WDFY3: variants seen among roughly 807,000 people sequenced by gnomAD.
WDFY3 encodes the protein WD repeat and FYVE domain-containing protein 3.
Under a neutral mutation model 409.6 loss-of-function variants are expected in WDFY3, and 66 were observed. The ratio of observed to expected loss-of-function variants is 0.16; its 90% CI spans 0.13 to 0.20. The LOEUF (loss-of-function observed/expected upper bound fraction) is 0.20. WDFY3 is among the 10% of genes least tolerant of loss of function. WDFY3 has a pLI of 1.00. For missense variants in WDFY3, 3,031 were observed against 4,298.1 expected, an observed-to-expected ratio of 0.71 and a Z score of 8.24; for synonymous variants, 1,521 against 1,537.1, an observed-to-expected ratio of 0.99 and a Z score of 0.25.
chr4:84,832,487 A>C (rs1255592549), intron 7 of WDFY3, among the ~76,000 whole-genome samples: 2 of 152,168 alleles, frequency 1.3e-5, no homozygotes, highest in East Asian at 3.8e-4. Flanking sequence ...ATGAATTTTA[A>C]ATGTTCCCAA....
chr4:84,690,463 G>T, intron 61 of WDFY3, 43 bp downstream of exon 61: 2 of 1,613,812 alleles, frequency 1.2e-6, no homozygotes, highest in Non-Finnish European at 1.7e-6. Flanking sequence ...AGGCACAGGA[G>T]ATGGACTATG....
At chr4:84,723,840 G>C (rs1735232341) in intron 46 of WDFY3, among the ~76,000 whole-genome samples, 1 of 152,158 alleles carries the variant, frequency 6.6e-6, no homozygotes, top group Non-Finnish European at 1.5e-5. Flanking sequence ...AGAAGCTGTA[G>C]AAAAGAAGAA....
At chr4:84,771,505 C>G (rs1265838033) in intron 30 of WDFY3, among the ~76,000 whole-genome samples, 2 of 152,138 alleles carry the variant, frequency 1.3e-5, no homozygotes, top group Non-Finnish European at 2.9e-5. Flanking sequence ...CTTTCACTAC[C>G]TAATTATAAT....
intron 37 of WDFY3, 46 bp downstream of exon 37, chr4:84,743,654 G>A: frequency 1.4e-6 from 2 of 1,439,710 alleles, no homozygotes; most frequent in Middle Eastern, 1.8e-4. Context: ...GGCTTAGAGA[G>A]GAAAGTGATT....
Position 84,704,431 on chromosome 4 carries a change from T to C in WDFY3, c.8349A>G (p.Ala2783=). The change falls in exon 55 of 68, where the codon GCA becomes GCG. Residue 2783 remains alanine, a synonymous_variant. Coordinates refer to ENST00000295888, the MANE Select transcript of WDFY3 (RefSeq NM_014991.6). The part of the protein sequence containing the change: ...DWEDPNGETP[A]YHYGTHYSSA... ...ATGAATAGTGGGTCCCATAGTGGTA[T>C]GCAGGAGTTTCTCCTGTTTAAGAAA... 1 of 1,606,504 alleles carries C rather than the reference T, an allele frequency of 6.2e-7. No homozygotes were observed. Among genetic ancestry groups the C allele is most frequent in the South Asian group, 1.1e-5 (1 of 89,152 alleles).
chr4:84,705,278 CATATAG>C, intron 54 of WDFY3, 110 bp downstream of exon 54: 2 of 765,106 alleles, frequency 2.6e-6, no homozygotes, highest in Non-Finnish European at 4.4e-6. Context: ...ACATATAATA[CATATAG>C]ATATGATATA....
chr4:84,869,350 A>G (rs111308298), intron 3 of WDFY3, among the ~76,000 whole-genome samples: 24 of 152,230 alleles, frequency 1.6e-4, no homozygotes, highest in Non-Finnish European at 3.2e-4. Context: ...TTTAATTCTC[A>G]TCAGTATCTT....
intron 4 of WDFY3, among the ~76,000 whole-genome samples, chr4:84,853,968 T>C (rs1057159284): frequency 5.9e-5 from 9 of 152,182 alleles, no homozygotes; most frequent in Non-Finnish European, 4.4e-5. Context: ...CCTGTGCTCA[T>C]GAAACACAGG....
Position 84,741,718 on chromosome 4 carries a change from CAG to C in WDFY3, c.6234+41_6234+42del, listed in dbSNP as rs757611910. 9.3e-6 allele frequency: 14 copies of C among 1,509,264 alleles called. No individual in the cohort carries two copies. In the East Asian group the frequency reaches 3.3e-4, roughly 35 times the overall value. 93.5% of individuals were successfully genotyped at this position (1,509,264 alleles called of 1,614,324 possible). On this transcript the variant is annotated intron_variant, in intron 38 of 67. Transcript: ENST00000295888. The stretch of plus-strand genomic sequence containing the variant: ...AACAATTTTGACACCATAGGCAAAA[CAG>C]GAAAACATGTACTCTACAACTGATA...
chr4:84,915,574 C>T (rs559890784), intron 2 of WDFY3, among the ~76,000 whole-genome samples: 2 of 152,234 alleles, frequency 1.3e-5, no homozygotes, highest in African/African-American at 4.8e-5. Flanking sequence ...GGTATTCAAG[C>T]CAAGTTAAAC....
intron 49 of WDFY3, among the ~76,000 whole-genome samples, chr4:84,716,516 G>A (rs1180229523): frequency 6.6e-6 from 1 of 150,872 alleles, no homozygotes; most frequent in African/African-American, 2.4e-5. Flanking sequence ...TACATTTTCG[G>A]CCGGGCGCGG....
At chr4:84,926,211 A>G (rs1769968269) in intron 2 of WDFY3, among the ~76,000 whole-genome samples, 1 of 130,360 alleles carries the variant, frequency 7.7e-6, no homozygotes, top group East Asian at 2.3e-4. Context: ...TCTCTAAAAG[A>G]AAAAAAAAAA....
intron 30 of WDFY3, among the ~76,000 whole-genome samples, chr4:84,768,187 C>T (rs987244792): frequency 1.3e-5 from 2 of 152,172 alleles, no homozygotes; most frequent in African/African-American, 2.4e-5. Context: ...AAGTGAAAGA[C>T]GAAGCAGCAA....
intron 51 of WDFY3, among the ~76,000 whole-genome samples, chr4:84,712,046 G>A (rs918632985): frequency 5.9e-5 from 9 of 151,688 alleles, no homozygotes; most frequent in African/African-American, 1.5e-4. Flanking sequence ...AATCATAGCC[G>A]GGCATGGTGA....
chr4:84,691,292 A>G (rs549577594), intron 60 of WDFY3, among the ~76,000 whole-genome samples: 2 of 152,188 alleles, frequency 1.3e-5, no homozygotes, highest in Admixed American at 6.5e-5. Flanking sequence ...GACTCATCAA[A>G]AGGAGGCTAT....
intron 13 of WDFY3, among the ~76,000 whole-genome samples, chr4:84,811,151 C>G (rs1752429249): frequency 6.6e-6 from 1 of 152,070 alleles, no homozygotes; most frequent in Non-Finnish European, 1.5e-5. Context: ...GCACGCACCA[C>G]TATGCCCAGT....
chr4:84,756,132 A>C (rs997876255), intron 33 of WDFY3, among the ~76,000 whole-genome samples: 1 of 152,208 alleles, frequency 6.6e-6, no homozygotes, highest in Non-Finnish European at 1.5e-5. Flanking sequence ...AAGTCAAGTA[A>C]AGTCTTACTA....
At chr4:84,726,680 GAAC>G (rs1169248087) in intron 45 of WDFY3, among the ~76,000 whole-genome samples, 178 bp downstream of exon 45, 2 of 151,918 alleles carry the variant, frequency 1.3e-5, no homozygotes, top group Non-Finnish European at 2.9e-5. Flanking sequence ...AGCAACAGTA[GAAC>G]AACATCTCTC....
At chr4:84,933,199 A>C (rs748644568) in intron 1 of WDFY3, among the ~76,000 whole-genome samples, 2 of 152,078 alleles carry the variant, frequency 1.3e-5, no homozygotes, top group Non-Finnish European at 2.9e-5. Context: ...TTATTTGTTA[A>C]ACTCTTTAAT....
Sources: allele counts gnomAD v4.1 joint callset (sites outside exome capture counted in the v4.1 genomes callset), GRCh38; gene constraint gnomAD v4.1.1; transcripts MANE v1.5; gene names NCBI Gene and HGNC (gene_info 2026-07-23, HGNC 2026-07-21).